The following FAM83A variants were observed in gnomAD, a reference collection of about 807,000 sequenced individuals.
FAM83A encodes scaffolding CK1 anchoring protein A.
FAM83A carries 21 observed loss-of-function variants against 24.4 expected under a neutral mutation model. The observed-to-expected ratio is 0.86, with a 90% confidence interval of 0.61 to 1.24. FAM83A has a LOEUF of 1.24. Among genes scored for constraint, FAM83A ranks in the 50% most tolerant of loss-of-function variants. The pLI is 0.00. For missense variants in FAM83A, 617 were observed against 579.8 expected, an observed-to-expected ratio of 1.06 and a Z score of -0.66; for synonymous variants, 270 against 252.4, an observed-to-expected ratio of 1.07 and a Z score of -0.66.
chr8:123,205,794 G>T (rs1157059759), intron 3 of FAM83A, among the ~76,000 whole-genome samples: 2 of 152,130 alleles, frequency 1.3e-5, no homozygotes, highest in African/African-American at 2.4e-5. Flanking sequence ...GCATTGAGGG[G>T]GCGGGGGGAG....
chr8:123,180,266 T>C (rs1287432147), upstream of FAM83A: 4 of 151,658 alleles, frequency 2.6e-5, no homozygotes, highest in Non-Finnish European at 4.4e-5. Flanking sequence ...TAACAGGCAA[T>C]GGGGAGCCAT....
chr8:123,205,652 C>G (rs1824526143), intron 3 of FAM83A, among the ~76,000 whole-genome samples: 1 of 152,122 alleles, frequency 6.6e-6, no homozygotes, highest in African/African-American at 2.4e-5. Flanking sequence ...CTGCTTAGCT[C>G]TGGCGCTGTC....
chr8:123,203,586 C>CAAAA (rs1187426797), intron 3 of FAM83A, among the ~76,000 whole-genome samples: 414 of 40,892 alleles, frequency 0.01, 5 homozygotes, highest in Middle Eastern at 0.02. Context: ...AGATCTGTCT[C>CAAAA]AAAAAAAAAA....
chr8:123,206,948 C>T (rs1264557772), intron 3 of FAM83A, among the ~76,000 whole-genome samples: 2 of 141,720 alleles, frequency 1.4e-5, no homozygotes, highest in African/African-American at 5.2e-5. Context: ...TCTTCCTCCT[C>T]CCCCTCCCCT....
exon 1 of FAM83A, chr8:123,182,952 C>T (rs751720139): frequency 1.9e-5 from 30 of 1,605,350 alleles, no homozygotes; most frequent in Admixed American, 1.0e-4. Flanking sequence ...TTAGTGACAA[C>T]GAGAGTGCCC....
At chr8:123,195,248 G>A (rs1313136418) in intron 3 of FAM83A, among the ~76,000 whole-genome samples, 1 of 152,124 alleles carries the variant, frequency 6.6e-6, no homozygotes, top group African/African-American at 2.4e-5. Flanking sequence ...CACAAACATT[G>A]GGATAAGCTG....
chr8:123,180,670 A>C (rs1381854325), upstream of FAM83A: 1 of 152,486 alleles, frequency 6.6e-6, no homozygotes, highest in African/African-American at 2.4e-5. Context: ...ACCAGACCAG[A>C]GAGGAAGGAA....
chr8:123,191,955 T>C (rs769845744), exon 2 of FAM83A: 1 of 1,614,164 alleles, frequency 6.2e-7, no homozygotes, highest in East Asian at 2.2e-5. Context: ...TCCAGATCTC[T>C]GACAGTCACC....
chr8:123,179,836 A>C (rs1823553204), upstream of FAM83A: 1 of 152,232 alleles, frequency 6.6e-6, no homozygotes, highest in Non-Finnish European at 1.5e-5. Context: ...GAGACACTCA[A>C]GCATTTATTC....
At chr8:123,192,105 T>C in intron 2 of FAM83A, 135 bp downstream of exon 2, 2 of 977,664 alleles carry the variant, frequency 2.0e-6, no homozygotes, top group Non-Finnish European at 3.0e-6. Flanking sequence ...TCAAACAAAC[T>C]CCTATGTAGG....
At chr8:123,187,124 T>G (rs1823828438) in intron 1 of FAM83A, among the ~76,000 whole-genome samples, 1 of 151,916 alleles carries the variant, frequency 6.6e-6, no homozygotes, top group African/African-American at 2.4e-5. Flanking sequence ...ATTCCAGGCC[T>G]AAGGAGGGTC....
chr8:123,193,749 G>A (rs1472765424), intron 2 of FAM83A, among the ~76,000 whole-genome samples: 1 of 152,196 alleles, frequency 6.6e-6, no homozygotes, highest in Non-Finnish European at 1.5e-5. Context: ...CCACTTCCTG[G>A]CTTATAAATG....
At chr8:123,197,386 C>T (rs960340362) in intron 3 of FAM83A, among the ~76,000 whole-genome samples, 2 of 152,192 alleles carry the variant, frequency 1.3e-5, no homozygotes. Context: ...CATGTAAGTG[C>T]CTGTCTCATG....
At chr8:123,200,150 T>C (rs1824300963) in intron 3 of FAM83A, among the ~76,000 whole-genome samples, 1 of 152,134 alleles carries the variant, frequency 6.6e-6, no homozygotes, top group Non-Finnish European at 1.5e-5. Flanking sequence ...ATGCACATGA[T>C]GGGCAACTCA....
At chr8:123,201,804 G>A in intron 3 of FAM83A, 1 of 152,478 alleles carries the variant, frequency 6.6e-6, no homozygotes, top group Non-Finnish European at 1.5e-5. Context: ...CCATGCCAGG[G>A]CCATCAAGAA....
intron 1 of FAM83A, among the ~76,000 whole-genome samples, chr8:123,191,092 C>G (rs1341158128): frequency 6.6e-6 from 1 of 152,208 alleles, no homozygotes; most frequent in Non-Finnish European, 1.5e-5. Flanking sequence ...TAGACCCTTC[C>G]AAACCACATT....
chr8:123,183,427 G>A lies in FAM83A; in HGVS notation c.480+91G>A, dbSNP rs1178692547. On this transcript the variant is annotated intron_variant, in intron 1 of 3. Transcript: ENST00000690554. Reference sequence around the variant, plus strand: ...GGGAGGGGGGTGCATTTTGCTCCCAGGGCGAGAGTCCAGATAATTGGGGCT... The same window carrying A: ...GGGAGGGGGGTGCATTTTGCTCCCAAGGCGAGAGTCCAGATAATTGGGGCT... The A allele has an allele frequency of 4.0e-6, 6 of 1,517,660 alleles. No individual in the cohort carries two copies. The East Asian group carries it at 1.4e-4, about 34-fold the overall frequency. The allele number at this position is 1,517,660 out of a possible 1,614,324, so 94.0% of individuals were successfully genotyped here. A position where few individuals can be genotyped will look rare whatever the true frequency, so the allele number is the denominator to read the frequency against.
At position 123,182,878 on chromosome 8, in the gene FAM83A, G is replaced by C. The variant is rs1206381167; in HGVS notation, c.22G>C (p.Gly8Arg). ...AGGCATGAGCCGGTCAAGGCACCTG[G>C]GCAAAATCCGGAAGCGTCTGGAAGA... The change falls in exon 1 of 4, where the codon GGC becomes CGC. Residue 8 changes from glycine to arginine, a missense_variant. Physicochemically the swap from Gly to Arg is moderately radical, Grantham distance 125 (BLOSUM62 -2). Transcript: ENST00000690554. 5 of 1,521,954 alleles carry C rather than the reference G, an allele frequency of 3.3e-6. No homozygotes were observed. The African/African-American group carries it at 5.6e-5, about 17-fold the overall frequency. The allele number at this position is 1,521,954 out of a possible 1,614,324, so 94.3% of individuals were successfully genotyped here. A position where few individuals can be genotyped will look rare whatever the true frequency, so the allele number is the denominator to read the frequency against.
At chr8:123,191,777 T>C (rs748105122) in intron 1 of FAM83A, 26 bp from the exon 2 acceptor site, 2 of 1,610,868 alleles carry the variant, frequency 1.2e-6, no homozygotes, top group South Asian at 1.1e-5. Flanking sequence ...ACCTTTCTGG[T>C]AACTGAGCAC....
Sources: allele counts gnomAD v4.1 joint callset (sites outside exome capture counted in the v4.1 genomes callset), GRCh38; gene constraint gnomAD v4.1.1; transcripts MANE v1.5; gene names NCBI Gene and HGNC (gene_info 2026-07-23, HGNC 2026-07-21).